Variants in SENP7 observed in about 807,000 individuals in gnomAD.
SENP7 encodes the protein sentrin-specific protease 7.
In SENP7, 64 loss-of-function variants were observed where a neutral mutation model predicts 141.2. The ratio of observed to expected loss-of-function variants is 0.45; its 90% confidence interval spans 0.37 to 0.56. The LOEUF is 0.56. Ranked by LOEUF, SENP7 falls within the 20% of genes least tolerant of loss-of-function variation. SENP7 has a pLI of 0.00. For synonymous variants in SENP7, 382 were observed against 426.4 expected (o/e 0.90, Z 1.28); for missense variants, 1,025 against 1,212.2 (o/e 0.85, Z 2.29).
At chr3:101,497,517 A>C (rs532500097) in intron 2 of SENP7, among the ~76,000 whole-genome samples, 2 of 145,316 alleles carry the variant, frequency 1.4e-5, no homozygotes, top group South Asian at 4.2e-4. Flanking sequence ...GTAAGTGTTC[A>C]AAAAAAAAAA....
At chr3:101,332,733 C>A (rs1239109695) in intron 18 of SENP7, 37 bp downstream of exon 18, 3 of 1,373,394 alleles carry the variant, frequency 2.2e-6, no homozygotes, top group East Asian at 2.7e-5. Context: ...TTTCTGAATT[C>A]TTTCCAATAT....
intron 4 of SENP7, among the ~76,000 whole-genome samples, chr3:101,421,621 C>T (rs929499601): frequency 2.0e-5 from 3 of 152,062 alleles, no homozygotes; most frequent in Non-Finnish European, 1.5e-5. Context: ...ACTGATTATT[C>T]TAATAGTGAG....
intron 16 of SENP7, 143 bp downstream of exon 16, chr3:101,339,952 T>C (rs1177095045): frequency 3.8e-6 from 4 of 1,052,010 alleles, no homozygotes; most frequent in South Asian, 1.9e-5. Context: ...CTAGAAAACC[T>C]TGGTAAGCAA....
intron 17 of SENP7, among the ~76,000 whole-genome samples, chr3:101,335,895 A>G (rs1324989723): frequency 3.3e-5 from 5 of 152,178 alleles, no homozygotes; most frequent in Non-Finnish European, 4.4e-5. Flanking sequence ...TCCTTAACTG[A>G]TCCTCGCAGG....
At chr3:101,384,976 C>G (rs2060611399) in intron 6 of SENP7, among the ~76,000 whole-genome samples, 2 of 151,990 alleles carry the variant, frequency 1.3e-5, no homozygotes, top group Admixed American at 6.6e-5. Context: ...CAAGAATGGC[C>G]TAATACAAAA....
intron 4 of SENP7, among the ~76,000 whole-genome samples, chr3:101,436,310 AT>A (rs2062385580): frequency 6.6e-6 from 1 of 152,294 alleles, no homozygotes; most frequent in African/African-American, 2.4e-5. Context: ...ACCCCAAACT[AT>A]GAAACTACTA....
intron 13 of SENP7, among the ~76,000 whole-genome samples, chr3:101,344,302 TAGAA>T (rs2059398938): frequency 6.6e-6 from 1 of 152,206 alleles, no homozygotes; most frequent in African/African-American, 2.4e-5. Flanking sequence ...CTCTATCAAC[TAGAA>T]ACATATTCCA....
chr3:101,432,051 G>A (rs2062200178), intron 4 of SENP7, among the ~76,000 whole-genome samples: 1 of 152,116 alleles, frequency 6.6e-6, no homozygotes, highest in Non-Finnish European at 1.5e-5. Context: ...GGAGCAGAGG[G>A]GAGCTCACTG....
At chr3:101,499,153 G>A (rs1489881529) in intron 2 of SENP7, among the ~76,000 whole-genome samples, 2 of 152,078 alleles carry the variant, frequency 1.3e-5, no homozygotes, top group Admixed American at 1.3e-4. Flanking sequence ...TAAACAAAAA[G>A]TTTAAGAAAC....
At chr3:101,383,345 TG>T (rs1349828294) in intron 6 of SENP7, among the ~76,000 whole-genome samples, 1 of 152,084 alleles carries the variant, frequency 6.6e-6, no homozygotes, top group Non-Finnish European at 1.5e-5. Context: ...CCGGCTGCAG[TG>T]GGGGAGGCAC....
At chr3:101,363,064 G>A in intron 10 of SENP7, 3 of 483,510 alleles carry the variant, frequency 6.2e-6, no homozygotes, top group Non-Finnish European at 8.1e-6. Context: ...TCGCAAATGT[G>A]ACTAATCCTT....
At chr3:101,364,631 C>T (rs990335314) in intron 10 of SENP7, among the ~76,000 whole-genome samples, 3 of 152,040 alleles carry the variant, frequency 2.0e-5, no homozygotes, top group Non-Finnish European at 4.4e-5. Context: ...TATAAATCAC[C>T]AGAAGAAAAT....
chr3:101,480,270 T>C (rs1225762841), intron 3 of SENP7, among the ~76,000 whole-genome samples: 1 of 152,106 alleles, frequency 6.6e-6, no homozygotes, highest in Admixed American at 6.6e-5. Context: ...GACTTCAAAC[T>C]ATATTATAAG....
At chr3:101,377,691 ATC>A (rs1434322777) in intron 6 of SENP7, among the ~76,000 whole-genome samples, 1 of 152,228 alleles carries the variant, frequency 6.6e-6, no homozygotes, top group Non-Finnish European at 1.5e-5. Flanking sequence ...TTAGAGCCTA[ATC>A]AAGCAGGGGA....
intron 11 of SENP7, among the ~76,000 whole-genome samples, chr3:101,361,227 A>T (rs2059893073): frequency 6.6e-6 from 1 of 151,816 alleles, no homozygotes. Context: ...CCCAAAAAAA[A>T]AAAATAGAGA....
chr3:101,467,535 C>T (rs2063805585), intron 3 of SENP7, among the ~76,000 whole-genome samples: 1 of 152,212 alleles, frequency 6.6e-6, no homozygotes, highest in Non-Finnish European at 1.5e-5. Context: ...TGCTGTTCTG[C>T]AGCCTCCATT....
intron 4 of SENP7, among the ~76,000 whole-genome samples, chr3:101,453,615 G>C (rs1355042172): frequency 1.3e-5 from 2 of 151,266 alleles, no homozygotes; most frequent in African/African-American, 4.9e-5. Context: ...CTATCGCAAG[G>C]ACAAAAAACT....
At chr3:101,455,299 G>T (rs576622244) in intron 4 of SENP7, among the ~76,000 whole-genome samples, 2 of 152,118 alleles carry the variant, frequency 1.3e-5, no homozygotes, top group Non-Finnish European at 2.9e-5. Context: ...TAGTAAGAAG[G>T]CCTAAATTTC....
At chr3:101,365,090 C>T in intron 9 of SENP7, 99 bp from the exon 10 acceptor site, 5 of 713,318 alleles carry the variant, frequency 7.0e-6, no homozygotes, top group Non-Finnish European at 1.0e-5. Context: ...GCAACCTCCA[C>T]CTCCCGGGCT....
Sources: allele counts gnomAD v4.1 joint callset (sites outside exome capture counted in the v4.1 genomes callset), GRCh38; gene constraint gnomAD v4.1.1; transcripts MANE v1.5; gene names NCBI Gene and HGNC (gene_info 2026-07-23, HGNC 2026-07-21).